LRRFIP2: variants seen among roughly 807,000 people sequenced by gnomAD.
LRRFIP2 encodes leucine-rich repeat flightless-interacting protein 2.
A neutral mutation model predicts 125.9 loss-of-function variants in LRRFIP2; 109 were observed. The observed-to-expected ratio is 0.87, with a 90% CI of 0.74 to 1.01. The LOEUF (loss-of-function observed/expected upper bound fraction) is 1.01, where lower values mean the gene tolerates loss of function less well. Ranked by LOEUF, LRRFIP2 falls within the 50% of genes least tolerant of loss-of-function variation. LRRFIP2 has a pLI of 0.00. For missense variants in LRRFIP2, 850 were observed against 862.3 expected (o/e 0.99, Z 0.18); for synonymous variants, 291 against 293.1 (o/e 0.99, Z 0.07).
intron 6 of LRRFIP2, among the ~76,000 whole-genome samples, chr3:37,116,104 T>A (rs192325808): frequency 1.3e-5 from 2 of 152,248 alleles, no homozygotes; most frequent in East Asian, 3.9e-4. Flanking sequence ...TCATCAGTAG[T>A]TCATAAAATC....
chr3:37,168,990 T>A (rs75888249), intron 1 of LRRFIP2, among the ~76,000 whole-genome samples: 1 of 152,180 alleles, frequency 6.6e-6, no homozygotes, highest in African/African-American at 2.4e-5. Context: ...TTTCTATGTT[T>A]AGATACACGA....
At chr3:37,172,116 G>A (rs1392230941) in intron 1 of LRRFIP2, among the ~76,000 whole-genome samples, 1 of 152,102 alleles carries the variant, frequency 6.6e-6, no homozygotes, top group Non-Finnish European at 1.5e-5. Context: ...GCCAACATGG[G>A]ATTGAAATAG....
intron 18 of LRRFIP2, among the ~76,000 whole-genome samples, chr3:37,086,589 T>C (rs751644689): frequency 3.3e-5 from 5 of 152,120 alleles, no homozygotes; most frequent in Admixed American, 6.6e-5. Flanking sequence ...ATATTGAATA[T>C]ATTATGCTAA....
intron 1 of LRRFIP2, among the ~76,000 whole-genome samples, chr3:37,160,753 T>C (rs1160655465): frequency 1.3e-5 from 2 of 149,546 alleles, no homozygotes; most frequent in Admixed American, 1.3e-4. Flanking sequence ...CACTCAAGCC[T>C]GGGCAACAGG....
chr3:37,108,197 A>T, intron 12 of LRRFIP2, 68 bp from the exon 13 acceptor site: 1 of 1,282,270 alleles, frequency 7.8e-7, no homozygotes, highest in Admixed American at 1.7e-5. Flanking sequence ...AGAATACATT[A>T]GGGACCATTT....
rs566946614 is a variant in LRRFIP2 at position 37,105,557 on chromosome 3, G to A, written c.715-34C>T. 9 of 1,548,320 alleles carry A rather than the reference G, an allele frequency of 5.8e-6. No individual in the cohort carries two copies. In the African/African-American group the frequency reaches 8.1e-5, roughly 14 times the overall value. ...ATTAAATGCAGATAATGAAAAAGAT[G>A]CAATTTTGCTATGGTGTTACCTCAT... On this transcript the variant is annotated intron_variant, in intron 13 of 27. Transcript: ENST00000336686.
At chr3:37,121,841 CGTGTGTGTGTGTGTGTGTGT>C (rs60540567) in intron 4 of LRRFIP2, 150 bp from the exon 5 acceptor site, 75 of 521,608 alleles carry the variant, frequency 1.4e-4, no homozygotes, top group South Asian at 6.8e-4. Flanking sequence ...CAGCCACATT[CGTGTGTGTGTGTGTGTGTGT>C]GTGTGTGTGT....
intron 2 of LRRFIP2, chr3:37,143,863 A>C (rs1432869051): frequency 6.4e-6 from 1 of 156,064 alleles, no homozygotes; most frequent in Non-Finnish European, 1.4e-5. Context: ...GCAGAAAGCA[A>C]TGAAGCTTTT....
At chr3:37,103,559 C>A (rs2094177582) in intron 14 of LRRFIP2, among the ~76,000 whole-genome samples, 1 of 152,058 alleles carries the variant, frequency 6.6e-6, no homozygotes, top group Non-Finnish European at 1.5e-5. Context: ...GTTCCCCAAA[C>A]ACACCAGTTC....
intron 21 of LRRFIP2, chr3:37,067,091 T>C (rs551302528): frequency 1.3e-5 from 2 of 152,348 alleles, no homozygotes; most frequent in African/African-American, 4.8e-5. Context: ...TATGCCTCAG[T>C]TTCCTCACTG....
chr3:37,082,979 T>C (rs2092757211), intron 19 of LRRFIP2, among the ~76,000 whole-genome samples: 1 of 152,186 alleles, frequency 6.6e-6, no homozygotes, highest in Non-Finnish European at 1.5e-5. Context: ...TAATACCCAT[T>C]TGACCTCTGC....
chr3:37,105,646 A>G, intron 13 of LRRFIP2, 123 bp from the exon 14 acceptor site: 2 of 670,168 alleles, frequency 3.0e-6, no homozygotes, highest in East Asian at 5.6e-5. Flanking sequence ...CATAATTGGT[A>G]TAATATAGTG....
chr3:37,091,984 T>C lies in LRRFIP2; in HGVS notation c.1036-446A>G, dbSNP rs973647246. 2.6e-5 allele frequency among the ~76,000 whole-genome samples: 4 copies of C among 152,328 alleles called. No individual in the cohort carries two copies. In the South Asian group the frequency reaches 8.3e-4, roughly 32 times the overall value. ...ATTTTAATGATTCATGCAAAAGTTT[T>C]TTAAAAATATAATAAATGAATATGA... On this transcript the variant is annotated intron_variant, in intron 17 of 27. Transcript: ENST00000336686.
In LRRFIP2 at chr3:37,058,776, C is replaced by G. The variant is rs376528401; in HGVS notation, c.1870+14G>C. 8.2e-5 allele frequency: 132 copies of G among 1,613,700 alleles called. No homozygotes were observed. The Middle Eastern group carries it at 8.2e-4, about 10-fold the overall frequency. On this transcript the variant is annotated intron_variant, in intron 25 of 27. Coordinates refer to ENST00000336686, the MANE Select transcript of LRRFIP2 (RefSeq NM_006309.4). ...TATATACAGACTGGGACTGGCCTGT[C>G]CCCTGGTACCTACTCTGCATTTCGA...
At chr3:37,081,790 A>T (rs2092663618) in intron 19 of LRRFIP2, among the ~76,000 whole-genome samples, 1 of 147,376 alleles carries the variant, frequency 6.8e-6, no homozygotes, top group African/African-American at 2.5e-5. Flanking sequence ...CAGGAGGCTG[A>T]GGTGGGAGGA....
At position 37,124,488 on chromosome 3, in the gene LRRFIP2, G is replaced by C. The variant is rs562586775; in HGVS notation, c.229-2797C>G. Among the ~76,000 whole-genome samples the C allele has an allele frequency of 3.0e-4, 45 of 152,204 alleles. No homozygotes were observed. The South Asian group carries it at 9.1e-3, about 31-fold the overall frequency. ...TACTTTTGCACAGTGGCAAACATGA[G>C]GGAAACAGACCCTGGTAGCAACGAT... On this transcript the variant is annotated intron_variant, in intron 4 of 27. Coordinates refer to ENST00000336686, the MANE Select transcript of LRRFIP2 (RefSeq NM_006309.4).
intron 19 of LRRFIP2, among the ~76,000 whole-genome samples, chr3:37,081,565 T>TA (rs11408667): frequency 0.36 from 54,914 of 151,382 alleles, 10,895 homozygotes; most frequent in Non-Finnish European, 0.45. Context: ...TCCAGGGTAT[T>TA]AAAAAAAACA....
intron 1 of LRRFIP2, among the ~76,000 whole-genome samples, chr3:37,159,068 A>G (rs2096270308): frequency 6.6e-6 from 1 of 152,198 alleles, no homozygotes; most frequent in South Asian, 2.1e-4. Context: ...ACCTACCTCA[A>G]GGCCATGAAG....
chr3:37,105,031 A>T (rs1235480182), intron 14 of LRRFIP2, among the ~76,000 whole-genome samples: 1 of 152,166 alleles, frequency 6.6e-6, no homozygotes, highest in Non-Finnish European at 1.5e-5. Context: ...ACAGGTGGAT[A>T]AACACTGGTT....
Sources: gnomAD v4.1 joint callset for allele counts (sites outside exome capture counted in the v4.1 genomes callset) on GRCh38, gnomAD v4.1.1 for gene constraint, MANE v1.5 for transcripts, NCBI Gene and HGNC (gene_info 2026-07-23, HGNC 2026-07-21) for gene names.